The following SPHKAP variants were observed in gnomAD, a reference collection of about 807,000 sequenced individuals.
SPHKAP encodes A-kinase anchor protein SPHKAP.
A neutral mutation model predicts 137.5 loss-of-function variants in SPHKAP; 67 were observed. The ratio of observed to expected loss-of-function variants is 0.49; its 90% CI spans 0.40 to 0.60. The LOEUF (loss-of-function observed/expected upper bound fraction) is 0.60. Among genes scored for constraint, SPHKAP ranks in the 20% least tolerant of loss-of-function variants. The probability of loss-of-function intolerance (pLI) is 0.00; values close to 1 mark genes in which losing one functional copy is unlikely to be tolerated. For missense variants in SPHKAP, 2,097 were observed against 2,069.3 expected (o/e 1.01, Z -0.26); for synonymous variants, 813 against 785.3 (o/e 1.04, Z -0.59).
At chr2:228,164,558 G>A (rs565898076) in intron 1 of SPHKAP, among the ~76,000 whole-genome samples, 103 of 152,238 alleles carry the variant, frequency 6.8e-4, no homozygotes, top group African/African-American at 1.8e-3. Flanking sequence ...CCACACACTG[G>A]GCTACAACCT....
At chr2:228,049,843 G>A (rs1353257125) in intron 3 of SPHKAP, among the ~76,000 whole-genome samples, 1 of 152,014 alleles carries the variant, frequency 6.6e-6, no homozygotes, top group African/African-American at 2.4e-5. Context: ...TTTTTTTATG[G>A]CTGCATAGCA....
At chr2:227,981,946 C>CTT in intron 11 of SPHKAP, 86 bp from the exon 12 acceptor site, 1 of 1,470,714 alleles carries the variant, frequency 6.8e-7, no homozygotes, top group African/African-American at 1.4e-5. Flanking sequence ...AAGCCAATGG[C>CTT]TCTCCAGTCT....
rs114338520 is a variant in SPHKAP, at chr2:228,050,950, G to A, written c.247-23407C>T. 7.1e-3 allele frequency among the ~76,000 whole-genome samples: 1,076 copies of A among 152,134 alleles called. 13 individuals are homozygous for A. Among genetic ancestry groups the A allele is most frequent in the African/African-American group, 0.025 (1,027 of 41,500 alleles). On this transcript the variant is annotated intron_variant, in intron 3 of 11. Coordinates refer to ENST00000392056, the MANE Select transcript of SPHKAP (RefSeq NM_001142644.2). ...GCCTCCTCAGTAGCTGGGACTACAG[G>A]TGCCACCAACACACCAGGCTAATTT... is the stretch of plus-strand genomic sequence containing the variant.
Position 228,068,773 on chromosome 2 carries a change from T to C in SPHKAP, c.246+40059A>G, listed in dbSNP as rs537805509. 2.6e-5 allele frequency among the ~76,000 whole-genome samples: 4 copies of C among 152,350 alleles called. No homozygotes were observed. The East Asian group carries it at 7.7e-4, about 29-fold the overall frequency. On this transcript the variant is annotated intron_variant, in intron 3 of 11. Transcript: ENST00000392056. ...TCTAAAGTTAGAGGTTTGGAATTAT[T>C]TCTTTTGTTTTAGCTCCCAGACTAC...
intron 3 of SPHKAP, among the ~76,000 whole-genome samples, chr2:228,073,136 T>C (rs892664882): frequency 1.3e-5 from 2 of 152,226 alleles, no homozygotes; most frequent in Non-Finnish European, 2.9e-5. Flanking sequence ...ATGAGGAAAT[T>C]AGCTGAGAGG....
intron 3 of SPHKAP, among the ~76,000 whole-genome samples, chr2:228,090,675 A>G (rs1453590809): frequency 6.6e-6 from 1 of 152,012 alleles, no homozygotes; most frequent in Non-Finnish European, 1.5e-5. Flanking sequence ...TTCTTCATCA[A>G]TGGCTTAGTG....
intron 7 of SPHKAP, among the ~76,000 whole-genome samples, chr2:228,013,086 G>C (rs536566528): frequency 6.6e-6 from 1 of 152,304 alleles, no homozygotes; most frequent in Admixed American, 6.5e-5. Flanking sequence ...GTATAAGGGA[G>C]TAGAACTGTT....
At chr2:228,036,397 G>C (rs1284326434) in intron 3 of SPHKAP, among the ~76,000 whole-genome samples, 6 of 152,106 alleles carry the variant, frequency 3.9e-5, no homozygotes, top group Non-Finnish European at 8.8e-5. Flanking sequence ...GTGCTGGAGA[G>C]GATGTGGAGA....
intron 7 of SPHKAP, among the ~76,000 whole-genome samples, chr2:228,009,806 T>C (rs943038453): frequency 2.6e-5 from 4 of 152,244 alleles, no homozygotes; most frequent in African/African-American, 9.6e-5. Flanking sequence ...AATTCTATGA[T>C]GTGATGTTTT....
chr2:228,120,406 G>T (rs1698868435), intron 2 of SPHKAP, among the ~76,000 whole-genome samples: 2 of 152,082 alleles, frequency 1.3e-5, no homozygotes, highest in African/African-American at 4.8e-5. Flanking sequence ...ATCACATAAG[G>T]ATATAATTTG....
chr2:228,092,134 T>TATATATACACATA, intron 3 of SPHKAP, among the ~76,000 whole-genome samples: 1 of 61,872 alleles, frequency 1.6e-5, no homozygotes, highest in South Asian at 5.2e-4. Context: ...TACGTATATG[T>TATATATACACATA]GTGTACACAT....
rs1053038207 is a variant in SPHKAP, at chr2:228,061,274, T to A, written c.247-33731A>T. 3.9e-5 allele frequency among the ~76,000 whole-genome samples: 6 copies of A among 152,156 alleles called. 1 individual carries two copies. Among genetic ancestry groups the A allele is most frequent in the African/African-American group, 1.2e-4 (5 of 41,526 alleles). On this transcript the variant is annotated intron_variant, in intron 3 of 11. Coordinates refer to ENST00000392056, the MANE Select transcript of SPHKAP (RefSeq NM_001142644.2). The stretch of plus-strand genomic sequence containing the variant: ...TTATTTTATTTTATTTATTTTTTAT[T>A]TTTTTGAGATGGAGTCTTGCTCTGT...
chr2:228,064,772 A>T (rs1696773581), intron 3 of SPHKAP, among the ~76,000 whole-genome samples: 1 of 152,238 alleles, frequency 6.6e-6, no homozygotes, highest in Admixed American at 6.5e-5. Flanking sequence ...TAGCCACAGA[A>T]GTTGCCAAAA....
intron 2 of SPHKAP, among the ~76,000 whole-genome samples, chr2:228,129,018 C>A (rs1377281176): frequency 2.0e-5 from 3 of 152,160 alleles, no homozygotes; most frequent in African/African-American, 7.2e-5. Flanking sequence ...AAGTTACCAG[C>A]TGCATTAACC....
intron 2 of SPHKAP, among the ~76,000 whole-genome samples, chr2:228,112,379 A>G (rs1366191109): frequency 6.6e-6 from 1 of 152,166 alleles, no homozygotes; most frequent in Non-Finnish European, 1.5e-5. Flanking sequence ...CTCACTACTC[A>G]AAATTATATC....
intron 3 of SPHKAP, among the ~76,000 whole-genome samples, chr2:228,063,166 A>ATCTGTCTG (rs1405083236): frequency 3.0e-4 from 42 of 141,946 alleles, no homozygotes; most frequent in African/African-American, 1.1e-3. Flanking sequence ...CTATCTATCT[A>ATCTGTCTG]TCTATCTATC....
intron 2 of SPHKAP, among the ~76,000 whole-genome samples, chr2:228,125,268 A>C (rs958034657): frequency 6.6e-6 from 1 of 152,248 alleles, no homozygotes; most frequent in African/African-American, 2.4e-5. Context: ...TATTGTGGAA[A>C]TATGACATTG....
chr2:228,148,508 G>T (rs1420710145), intron 1 of SPHKAP, among the ~76,000 whole-genome samples: 1 of 152,186 alleles, frequency 6.6e-6, no homozygotes, highest in African/African-American at 2.4e-5. Flanking sequence ...TCTGGCTGAA[G>T]TGCCCTAAAC....
intron 2 of SPHKAP, among the ~76,000 whole-genome samples, chr2:228,129,803 T>G (rs1204644487): frequency 2.0e-5 from 3 of 150,196 alleles, no homozygotes; most frequent in African/African-American, 7.3e-5. Flanking sequence ...TTTTTCTTTT[T>G]TTTTTTTTTT....
Sources: allele counts gnomAD v4.1 joint callset (sites outside exome capture counted in the v4.1 genomes callset), GRCh38; gene constraint gnomAD v4.1.1; transcripts MANE v1.5; gene names NCBI Gene and HGNC (gene_info 2026-07-23, HGNC 2026-07-21).